Variants in SRPRA observed in about 807,000 individuals in gnomAD.
SRPRA encodes the protein signal recognition particle receptor subunit alpha.
In SRPRA, 30 loss-of-function variants were observed where a neutral mutation model predicts 61.1. The ratio of observed to expected loss-of-function variants is 0.49; its 90% confidence interval spans 0.37 to 0.67. The LOEUF (loss-of-function observed/expected upper bound fraction) is 0.67. Ranked by LOEUF, SRPRA falls within the 30% of genes least tolerant of loss-of-function variation. The pLI is 0.00. For missense variants in SRPRA, 759 were observed against 828.4 expected (o/e 0.92, Z 1.03); for synonymous variants, 324 against 299.7 (o/e 1.08, Z -0.84).
rs149373055 is a variant in SRPRA, at chr11:126,266,523, T to C, written c.793A>G (p.Thr265Ala). The change falls in exon 6 of 14, where the codon ACC (threonine) becomes GCC (alanine). Residue 265 changes from threonine (T) to alanine (A), a missense_variant. Physicochemically the swap from Thr to Ala is moderately conservative, Grantham distance 58. Around this residue, in one of 2 missense-constraint regions of SRPRA, gnomAD observed 475 missense variants for 462.5 expected, o/e 1.03. Coordinates refer to ENST00000332118, the MANE Select transcript of SRPRA (RefSeq NM_003139.4). ...GCAGCCTCAGGGGTTCCATTGGTGG[T>C]GGGAGTACTGTAATCCAACACTTCT... ...NKEVLDYSTP[T>A]TNGTPEAALS... The C allele has an allele frequency of 1.2e-6, 2 of 1,614,200 alleles. No homozygotes were observed. Among genetic ancestry groups the C allele is most frequent in the Non-Finnish European group, 8.5e-7 (1 of 1,180,034 alleles).
At position 126,267,863 on chromosome 11, in the gene SRPRA, G is replaced by T; in HGVS notation, c.201+140C>A. 7.3e-7 allele frequency: 1 copy of T among 1,372,100 alleles called. No individual in the cohort carries two copies. The highest frequency in any genetic ancestry group is 1.0e-6 in the Non-Finnish European group (1 of 985,930). The allele number at this position is 1,372,100 out of a possible 1,614,324, so 85.0% of individuals were successfully genotyped here. ...CAGCCAAGCTCCCTGCCTGGGCCCA[G>T]TAGCTGCTGTTTTCCCCCATCTACC... On this transcript the variant is annotated intron_variant, in intron 2 of 13. Coordinates refer to ENST00000332118, the MANE Select transcript of SRPRA (RefSeq NM_003139.4). This position sits in a 1 kb window ranked among gnomAD's most constrained non-coding sequence, Gnocchi z 4.2.
chr11:126,237,802 A>G, the SRPRA span, among the ~76,000 whole-genome samples: 1 of 142,362 alleles, frequency 7.0e-6, no homozygotes, highest in African/African-American at 2.6e-5. Context: ...GGTTGCAGTG[A>G]GCTGAGATTG....
the SRPRA span, among the ~76,000 whole-genome samples, chr11:126,243,577 A>C: frequency 3.9e-5 from 6 of 152,296 alleles, no homozygotes; most frequent in South Asian, 1.2e-3. Context: ...TGAGGAAGTC[A>C]GAGTCTTCTG....
the SRPRA span, among the ~76,000 whole-genome samples, chr11:126,242,884 G>A: frequency 2.0e-5 from 3 of 152,180 alleles, no homozygotes. Context: ...CTAAGCGAAT[G>A]GAAAGCATAT....
At chr11:126,250,109 T>G in the SRPRA span, among the ~76,000 whole-genome samples, 80 of 130,770 alleles carry the variant, frequency 6.1e-4, no homozygotes, top group African/African-American at 1.9e-3. The surrounding 1 kb of genome is among the most constrained non-coding windows in gnomAD (Gnocchi z 5.1). Flanking sequence ...TTTTTTTTTT[T>G]GAGATGGAGT....
chr11:126,248,358 CTTTTTTTTTTTTTTTTT>C, the SRPRA span, among the ~76,000 whole-genome samples: 6 of 36,966 alleles, frequency 1.6e-4, no homozygotes, highest in South Asian at 6.9e-3. Context: ...TAGTAGTTGA[CTTTTTTTTTTTTTTTTT>C]TTTTTTTTTT....
chr11:126,259,360 T>C (rs1256204180), downstream of SRPRA, among the ~76,000 whole-genome samples: 1 of 151,472 alleles, frequency 6.6e-6, no homozygotes, highest in Non-Finnish European at 1.5e-5. Flanking sequence ...TTTGGAAAAA[T>C]CAAGCAGTGG....
Position 126,267,237 on chromosome 11 carries a change from G to A in SRPRA, c.464C>T (p.Thr155Ile). 6.2e-7 allele frequency: 1 copy of A among 1,613,930 alleles called. No individual in the cohort carries two copies. The highest frequency in any genetic ancestry group is 8.5e-7 in the Non-Finnish European group (1 of 1,180,022). ...TTTTTCCTTGGGCTTTTCCCCCCGTGTCTCAATCATGGACCTCACAGGTTT... is the reference window on the plus strand; with the variant it reads ...TTTTTCCTTGGGCTTTTCCCCCCGTATCTCAATCATGGACCTCACAGGTTT... Reference protein sequence around the residue: ...AKKPVRSMIETRGEKPKEKAK... With the variant: ...AKKPVRSMIEIRGEKPKEKAK... The change falls in exon 4 of 14, where the codon ACA becomes ATA. Residue 155 changes from threonine (T) to isoleucine (I), a missense_variant. Coordinates refer to ENST00000332118, the MANE Select transcript of SRPRA (RefSeq NM_003139.4). This position sits in a 1 kb window ranked among gnomAD's most constrained non-coding sequence, Gnocchi z 4.2.
At chr11:126,254,275 A>G in the SRPRA span, 11 of 1,607,574 alleles carry the variant, frequency 6.8e-6, no homozygotes, top group African/African-American at 5.3e-5. Context: ...AGCCCTGCCA[A>G]GCTGGTTGGG....
the SRPRA span, among the ~76,000 whole-genome samples, chr11:126,244,697 G>A: frequency 2.0e-5 from 3 of 152,100 alleles, no homozygotes; most frequent in South Asian, 2.1e-4. This position sits in a 1 kb window ranked among gnomAD's most constrained non-coding sequence, Gnocchi z 4.5. Context: ...CCAGCTACTC[G>A]GGAGGTGGAG....
chr11:126,268,342 C>CTA (rs923448569), intron 1 of SRPRA, among the ~76,000 whole-genome samples: 1 of 152,208 alleles, frequency 6.6e-6, no homozygotes, highest in African/African-American at 2.4e-5. Flanking sequence ...AATCAGATTA[C>CTA]TAGCAGCTAT....
chr11:126,259,634 C>T (rs1950643261), downstream of SRPRA, among the ~76,000 whole-genome samples: 1 of 151,184 alleles, frequency 6.6e-6, no homozygotes, highest in Non-Finnish European at 1.5e-5. Context: ...ACCATGTTGG[C>T]CAGGATGGTC....
intron 6 of SRPRA, 92 bp downstream of exon 6, chr11:126,266,384 T>C: frequency 6.3e-7 from 1 of 1,589,036 alleles, no homozygotes; most frequent in Non-Finnish European, 8.6e-7. Flanking sequence ...AAGTATAACT[T>C]ACCCCTCATT....
the SRPRA span, among the ~76,000 whole-genome samples, chr11:126,253,237 C>T: frequency 6.6e-6 from 1 of 152,116 alleles, no homozygotes; most frequent in Non-Finnish European, 1.5e-5. This position sits in a 1 kb window ranked among gnomAD's most constrained non-coding sequence, Gnocchi z 5.1. Context: ...ATTTTCAGCC[C>T]ACATTAGGGG....
At chr11:126,259,425 CTTTTT>C (rs397945854), downstream of SRPRA, among the ~76,000 whole-genome samples, 2 of 129,432 alleles carry the variant, frequency 1.5e-5, no homozygotes, top group African/African-American at 5.6e-5. Context: ...CGTTGTGGTA[CTTTTT>C]TTTTTTTTTT....
At chr11:126,240,946 C>A in the SRPRA span, 1 of 1,614,084 alleles carries the variant, frequency 6.2e-7, no homozygotes, top group Non-Finnish European at 8.5e-7. Context: ...TGATTTTGAT[C>A]TTTTAGAAGA....
chr11:126,240,803 C>T, the SRPRA span: 9 of 1,602,918 alleles, frequency 5.6e-6, no homozygotes, highest in Admixed American at 7.0e-5. Context: ...AAGCTGCTTC[C>T]AAGCTTAAAA....
downstream of SRPRA, chr11:126,261,563 T>C (rs1413185287): frequency 1.5e-5 from 19 of 1,261,460 alleles, no homozygotes; most frequent in Non-Finnish European, 2.1e-5. Flanking sequence ...ATATAGAGAA[T>C]GTTACTTTGG....
chr11:126,252,332 A>C, the SRPRA span, among the ~76,000 whole-genome samples: 1 of 152,196 alleles, frequency 6.6e-6, no homozygotes, highest in African/African-American at 2.4e-5. The surrounding 1 kb of genome is among the most constrained non-coding windows in gnomAD (Gnocchi z 4.7). Flanking sequence ...TGTTTACCCC[A>C]TAGGAATAGT....
Sources: allele counts gnomAD v4.1 joint callset (sites outside exome capture counted in the v4.1 genomes callset), GRCh38; gene constraint gnomAD v4.1.1; regional missense constraint gnomAD v4.1.1; non-coding constraint Gnocchi (gnomAD v3.1); transcripts MANE v1.5; gene names NCBI Gene and HGNC (gene_info 2026-07-23, HGNC 2026-07-21).